ENPP2: variants seen among roughly 807,000 people sequenced by gnomAD.
ENPP2 encodes the protein autotaxin.
A neutral mutation model predicts 120.2 loss-of-function variants in ENPP2; 51 were observed. The ratio of observed to expected loss-of-function variants is 0.42; its 90% CI spans 0.34 to 0.54. ENPP2 has a LOEUF of 0.54. Among genes scored for constraint, ENPP2 ranks in the 20% least tolerant of loss-of-function variants. The pLI is 0.04. For missense variants in ENPP2, 920 were observed against 1,066.5 expected (o/e 0.86, Z 1.91); for synonymous variants, 365 against 366.4 (o/e 1.00, Z 0.04).
intron 1 of ENPP2, among the ~76,000 whole-genome samples, chr8:119,645,746 T>C (rs1359809026): frequency 7.2e-6 from 1 of 139,494 alleles, no homozygotes; most frequent in Non-Finnish European, 1.5e-5. Flanking sequence ...ACCCGGGGAG[T>C]GGAGGTTGAG....
chr8:119,585,693 TTCA>T (rs2130363190), intron 15 of ENPP2, among the ~76,000 whole-genome samples: 1 of 152,180 alleles, frequency 6.6e-6, no homozygotes, highest in African/African-American at 2.4e-5. Flanking sequence ...TGTTTTGTAG[TTCA>T]ATAGAAGGCA....
chr8:119,592,850 T>TTTC (rs1813629742), intron 12 of ENPP2: 1 of 130,688 alleles, frequency 7.7e-6, no homozygotes, highest in Non-Finnish European at 1.5e-5. Flanking sequence ...TTTTTTTTTT[T>TTTC]TTTCTAATTT....
At chr8:119,631,448 C>T (rs1396256261) in intron 2 of ENPP2, among the ~76,000 whole-genome samples, 3 of 151,838 alleles carry the variant, frequency 2.0e-5, no homozygotes, top group African/African-American at 4.8e-5. Context: ...GATCTCCTGA[C>T]ATTGTGATCC....
At chr8:119,622,899 T>G (rs542486216) in intron 3 of ENPP2, among the ~76,000 whole-genome samples, 1 of 152,192 alleles carries the variant, frequency 6.6e-6, no homozygotes, top group Admixed American at 6.5e-5. Context: ...CATAGGCAAG[T>G]AAATCAATAA....
At chr8:119,584,992 C>T (rs756586857) in intron 15 of ENPP2, among the ~76,000 whole-genome samples, 1 of 152,180 alleles carries the variant, frequency 6.6e-6, no homozygotes, top group African/African-American at 2.4e-5. Flanking sequence ...GCATTGTTAA[C>T]CAACATGCCT....
chr8:119,618,777 T>C (rs1815664116), intron 5 of ENPP2, among the ~76,000 whole-genome samples: 1 of 151,670 alleles, frequency 6.6e-6, no homozygotes, highest in African/African-American at 2.4e-5. Flanking sequence ...TCAAATGATA[T>C]GCCCGCCTCA....
chr8:119,559,126 G>A (rs887868357), intron 24 of ENPP2, among the ~76,000 whole-genome samples: 8 of 152,084 alleles, frequency 5.3e-5, no homozygotes, highest in South Asian at 4.1e-4. Context: ...AGATCTCTGC[G>A]ATTCACAGGA....
intron 2 of ENPP2, among the ~76,000 whole-genome samples, chr8:119,637,479 G>C (rs1817068966): frequency 6.6e-6 from 1 of 152,108 alleles, no homozygotes; most frequent in African/African-American, 2.4e-5. Flanking sequence ...TAACCCGGTT[G>C]ATAATAAAAT....
intron 1 of ENPP2, among the ~76,000 whole-genome samples, chr8:119,650,882 A>C (rs551945894): frequency 4.6e-5 from 7 of 152,316 alleles, no homozygotes; most frequent in African/African-American, 1.7e-4. Flanking sequence ...AAGTATCCTG[A>C]AACTTAATGG....
chr8:119,562,618 C>T (rs1188271626), intron 24 of ENPP2, among the ~76,000 whole-genome samples: 3 of 152,022 alleles, frequency 2.0e-5, no homozygotes, highest in Non-Finnish European at 2.9e-5. Flanking sequence ...ACATTTATTT[C>T]TCAAAATTGT....
chr8:119,587,599 C>T (rs144013171), intron 13 of ENPP2, among the ~76,000 whole-genome samples: 57 of 152,110 alleles, frequency 3.7e-4, no homozygotes, highest in South Asian at 6.2e-4. Flanking sequence ...CACAGGTAGC[C>T]GCACCTCTCC....
chr8:119,564,521 T>C (rs908648924), intron 23 of ENPP2, among the ~76,000 whole-genome samples: 3 of 151,726 alleles, frequency 2.0e-5, no homozygotes, highest in African/African-American at 7.3e-5. Flanking sequence ...CTGCTAAAAA[T>C]ACAAAAATTA....
chr8:119,610,980 A>C (rs372117587), intron 8 of ENPP2, among the ~76,000 whole-genome samples: 30 of 152,220 alleles, frequency 2.0e-4, no homozygotes, highest in African/African-American at 6.5e-4. Flanking sequence ...CTCTAATCCC[A>C]AAACTCCCTG....
intron 1 of ENPP2, among the ~76,000 whole-genome samples, chr8:119,646,882 A>G (rs1333361707): frequency 6.6e-6 from 1 of 152,098 alleles, no homozygotes; most frequent in Non-Finnish European, 1.5e-5. Context: ...GCAAATACCA[A>G]CATATTTATG....
rs114474478 is a variant in ENPP2 at position 119,567,202 on chromosome 8, T to C, written c.2131+973A>G. Among the ~76,000 whole-genome samples the C allele has an allele frequency of 2.6e-3, 389 of 152,266 alleles. 5 individuals carry two copies. The highest frequency in any genetic ancestry group is 7.8e-3 in the African/African-American group (325 of 41,562). ...TGTTCACTACAAATGTACTGAAAGG[T>C]GGTAAAAGCTACTTCATAATGCTTA... On this transcript the variant is annotated intron_variant, in intron 22 of 24. Coordinates refer to ENST00000075322, the MANE Select transcript of ENPP2 (RefSeq NM_001040092.3).
chr8:119,625,584 A>G (rs1041105720), intron 3 of ENPP2, among the ~76,000 whole-genome samples: 2 of 152,200 alleles, frequency 1.3e-5, no homozygotes, highest in East Asian at 1.9e-4. Flanking sequence ...TCTAAGCATA[A>G]AAGTCCAAAA....
In ENPP2 at chr8:119,590,715, C is replaced by G. The variant is rs1646603151; in HGVS notation, c.1082-85G>C. The G allele has an allele frequency of 1.4e-5, 14 of 975,778 alleles. 1 individual carries two copies. The South Asian group carries it at 2.6e-4, about 18-fold the overall frequency. The allele number at this position is 975,778 out of a possible 1,614,324, so 60.4% of individuals were successfully genotyped here. ...GACACGAAAGATAACATCCAGGCAT[C>G]TCTTTAGTTAGTTTTTAGTAACTTA... is the stretch of plus-strand genomic sequence containing the variant. On this transcript the variant is annotated intron_variant, in intron 12 of 24. Coordinates refer to ENST00000075322, the MANE Select transcript of ENPP2 (RefSeq NM_001040092.3).
intron 1 of ENPP2, among the ~76,000 whole-genome samples, chr8:119,653,827 C>T (rs940829465): frequency 1.3e-5 from 2 of 151,860 alleles, no homozygotes; most frequent in African/African-American, 2.4e-5. Context: ...GCAGCCTGAA[C>T]GTGTGGCGTA....
At chr8:119,563,136 T>G in intron 23 of ENPP2, 123 bp from the exon 24 acceptor site, 1 of 786,808 alleles carries the variant, frequency 1.3e-6, no homozygotes. Context: ...ATTGAATCAT[T>G]TTTCACTTCT....
Sources: allele counts gnomAD v4.1 joint callset (sites outside exome capture counted in the v4.1 genomes callset), GRCh38; gene constraint gnomAD v4.1.1; transcripts MANE v1.5; gene names NCBI Gene and HGNC (gene_info 2026-07-23, HGNC 2026-07-21).